The following ZNF106 variants were observed in gnomAD, a reference collection of about 807,000 sequenced individuals.
The protein encoded by ZNF106 is zinc finger protein 106.
ZNF106 carries 67 observed loss-of-function variants against 195.1 expected under a neutral mutation model. That is an observed-to-expected ratio of 0.34 (90% confidence interval 0.28 to 0.42). ZNF106 has a LOEUF of 0.42. Ranked by LOEUF, ZNF106 falls within the 10% of genes least tolerant of loss-of-function variation. ZNF106 has a pLI of 1.00. For missense variants in ZNF106, 2,118 were observed against 2,304.5 expected, an observed-to-expected ratio of 0.92 and a Z score of 1.66; for synonymous variants, 784 against 818.6, an observed-to-expected ratio of 0.96 and a Z score of 0.72.
Position 42,448,561 on chromosome 15 carries a change from G to T in ZNF106, c.2646C>A (p.Ser882Arg), listed in dbSNP as rs1425293567. 1 of 1,614,116 alleles carries T rather than the reference G, an allele frequency of 6.2e-7. No individual in the cohort carries two copies. The highest frequency in any genetic ancestry group is 1.7e-5 in the Admixed American group (1 of 60,002). Residue 882 changes from serine to arginine, a missense_variant, in exon 6 of 22, where the codon AGC (serine) becomes AGA (arginine). Ser to Arg is a moderately radical substitution (Grantham distance 110). Transcript: ENST00000564754. Reference protein sequence around the residue: ...SSSPGLARKRSLSESSVIMDR... With the variant: ...SSSPGLARKRRLSESSVIMDR... ...CCATGATCACGCTGCTCTCAGAAAGGCTTCGCTTTCTTGCCAAGCCAGGGG... is the reference window on the plus strand; with the variant it reads ...CCATGATCACGCTGCTCTCAGAAAGTCTTCGCTTTCTTGCCAAGCCAGGGG...
intron 19 of ZNF106, 51 bp downstream of exon 19, chr15:42,421,866 T>C: frequency 1.4e-6 from 2 of 1,460,636 alleles, no homozygotes; most frequent in African/African-American, 1.4e-5. Context: ...ACAAGAATTT[T>C]TTAGCAAACA....
At chr15:42,479,505 G>A (rs2056854735) in intron 1 of ZNF106, among the ~76,000 whole-genome samples, 1 of 152,106 alleles carries the variant, frequency 6.6e-6, no homozygotes. Flanking sequence ...AGTATATTCT[G>A]CAGTTGTTGT....
At chr15:42,460,729 G>A (rs977650426) in intron 3 of ZNF106, among the ~76,000 whole-genome samples, 3 of 152,018 alleles carry the variant, frequency 2.0e-5, no homozygotes, top group South Asian at 2.1e-4. Flanking sequence ...GTGTGGTGGC[G>A]CATGCCTGTA....
intron 13 of ZNF106, 85 bp downstream of exon 13, chr15:42,437,147 A>G (rs2141307909): frequency 2.1e-6 from 3 of 1,450,860 alleles, no homozygotes; most frequent in South Asian, 2.7e-5. Context: ...GACAGCCAAC[A>G]AATTCCCTTT....
intron 12 of ZNF106, among the ~76,000 whole-genome samples, chr15:42,438,354 G>A (rs1462726355): frequency 6.6e-6 from 1 of 152,218 alleles, no homozygotes; most frequent in East Asian, 1.9e-4. Flanking sequence ...TAGCGCCACT[G>A]CACTCCAGCC....
chr15:42,431,054 G>A lies in ZNF106; in HGVS notation c.4882-2920C>T, dbSNP rs575918786. Among the ~76,000 whole-genome samples, 213 of 152,046 alleles carry A rather than the reference G, an allele frequency of 1.4e-3. 3 individuals are homozygous for A. Among genetic ancestry groups the A allele is most frequent in the Middle Eastern group, 6.8e-3 (2 of 294 alleles). The stretch of plus-strand genomic sequence containing the variant: ...TTTAGCTGCATCCTACAAATGATAC[G>A]TTGCATTTTCATTTAGTTAGGTATT... On this transcript the variant is annotated intron_variant, in intron 14 of 21. Coordinates refer to ENST00000564754, the MANE Select transcript of ZNF106 (RefSeq NM_001366845.3).
chr15:42,450,091 T>C lies in ZNF106; in HGVS notation c.2181A>G (p.Gln727=). 1 of 1,614,226 alleles carries C rather than the reference T, an allele frequency of 6.2e-7. No individual in the cohort carries two copies. The part of the protein sequence containing the change: ...FESASLDAEL[Q]KSDISQPSGP... ...CCGAGGGCTGACTGATGTCACTTTT[T>C]TGAAGCTCTGCATCCAAGCTAGCAC... Residue 727 remains glutamine, a synonymous_variant, in exon 5 of 22, where the codon CAA becomes CAG. Transcript: ENST00000564754.
At chr15:42,472,143 A>G (rs2056684696) in intron 2 of ZNF106, 93 bp downstream of exon 2, 10 of 1,188,988 alleles carry the variant, frequency 8.4e-6, no homozygotes, top group Non-Finnish European at 1.1e-5. Flanking sequence ...CCTATTAATA[A>G]CATATGTCTA....
chr15:42,451,846 C>T lies in ZNF106; in HGVS notation c.426G>A (p.Gln142=). 1 of 1,614,200 alleles carries T rather than the reference C, an allele frequency of 6.2e-7. No individual in the cohort carries two copies. The highest frequency in any genetic ancestry group is 8.5e-7 in the Non-Finnish European group (1 of 1,180,036). The change falls in exon 5 of 22, where the codon CAG becomes CAA. Residue 142 remains glutamine, a synonymous_variant. Transcript: ENST00000564754. ...GAGGTCCACGATGATGCCATGCAGG[C>T]TGACTGTAACTCTCTCTGTCTTGGT... ...IPYQDRESYS[Q]PAWHHRGPPQ... is the part of the protein sequence containing the mutation.
chr15:42,479,282 GAGA>G (rs1213950382), intron 1 of ZNF106, among the ~76,000 whole-genome samples: 2 of 152,258 alleles, frequency 1.3e-5, no homozygotes, highest in Admixed American at 1.3e-4. Flanking sequence ...GTTGAGGCAG[GAGA>G]ATCGCTTGAA....
chr15:42,421,010 G>C (rs758228115), intron 20 of ZNF106, 51 bp downstream of exon 20: 1 of 1,538,172 alleles, frequency 6.5e-7, no homozygotes, highest in East Asian at 2.2e-5. Context: ...AATTAGCCTA[G>C]GGTGAAGCAA....
chr15:42,468,726 A>G lies in ZNF106; in HGVS notation c.55-2612T>C, dbSNP rs147039522. Reference sequence around the variant, plus strand: ...CCATTGCACTCCAGCCTGGAGACAGAGCAAGACTCCGTCTCAAAAAAAATA... The same window carrying G: ...CCATTGCACTCCAGCCTGGAGACAGGGCAAGACTCCGTCTCAAAAAAAATA... On this transcript the variant is annotated intron_variant, in intron 2 of 21. Transcript: ENST00000564754. Among the ~76,000 whole-genome samples, 130 of 151,688 alleles carry G rather than the reference A, an allele frequency of 8.6e-4. 1 individual carries two copies. Among genetic ancestry groups the G allele is most frequent in the African/African-American group, 3.0e-3 (124 of 41,374 alleles).
At chr15:42,434,450 T>C (rs1391799223) in intron 14 of ZNF106, among the ~76,000 whole-genome samples, 1 of 152,230 alleles carries the variant, frequency 6.6e-6, no homozygotes, top group East Asian at 1.9e-4. Flanking sequence ...CTAGGGATTA[T>C]ATTTTTAAAA....
chr15:42,463,781 A>G (rs1387891007), intron 3 of ZNF106, among the ~76,000 whole-genome samples: 1 of 152,122 alleles, frequency 6.6e-6, no homozygotes, highest in Non-Finnish European at 1.5e-5. Context: ...GCCTGGTGAC[A>G]GAGTGAGTGA....
At chr15:42,471,845 G>A (rs1341868257) in intron 2 of ZNF106, among the ~76,000 whole-genome samples, 2 of 152,124 alleles carry the variant, frequency 1.3e-5, no homozygotes, top group Non-Finnish European at 2.9e-5. Flanking sequence ...ACAGATTGTA[G>A]GTACATATAA....
intron 4 of ZNF106, among the ~76,000 whole-genome samples, chr15:42,454,073 A>T (rs1380751024): frequency 6.6e-6 from 1 of 152,188 alleles, no homozygotes; most frequent in Non-Finnish European, 1.5e-5. Context: ...TTCCACATTT[A>T]AGTTCCTTCC....
chr15:42,457,387 A>G, intron 3 of ZNF106: 1 of 1,397,908 alleles, frequency 7.2e-7, no homozygotes, highest in Non-Finnish European at 9.3e-7. Flanking sequence ...TAGACTTCAG[A>G]TAAATGTCGT....
intron 1 of ZNF106, among the ~76,000 whole-genome samples, chr15:42,482,936 A>C (rs970927738): frequency 2.6e-5 from 4 of 152,082 alleles, no homozygotes; most frequent in Admixed American, 2.6e-4. Context: ...ACAGAGTCTG[A>C]TGCTTCTCCT....
intron 9 of ZNF106, among the ~76,000 whole-genome samples, chr15:42,443,624 G>A (rs533854833): frequency 2.0e-5 from 3 of 151,950 alleles, no homozygotes; most frequent in East Asian, 1.9e-4. Context: ...CAGCTACTGG[G>A]GGGAGTGAGG....
Sources: gnomAD v4.1 joint callset for allele counts (sites outside exome capture counted in the v4.1 genomes callset) on GRCh38, gnomAD v4.1.1 for gene constraint, MANE v1.5 for transcripts, NCBI Gene and HGNC (gene_info 2026-07-23, HGNC 2026-07-21) for gene names.